TBL1XR1: variants seen among roughly 807,000 people sequenced by gnomAD.
The protein encoded by TBL1XR1 is F-box-like/WD repeat-containing protein TBL1XR1.
In TBL1XR1, 5 loss-of-function variants were observed where a neutral mutation model predicts 66.9. The ratio of observed to expected loss-of-function variants is 0.07; its 90% CI spans 0.04 to 0.16. The LOEUF (loss-of-function observed/expected upper bound fraction) is 0.16. TBL1XR1 is among the 10% of genes least tolerant of loss of function. The probability of loss-of-function intolerance (pLI) is 1.00; values close to 1 mark genes in which losing one functional copy is unlikely to be tolerated. For missense variants in TBL1XR1, 238 were observed against 623.2 expected (o/e 0.38, Z 6.58); for synonymous variants, 210 against 206.0 (o/e 1.02, Z -0.17).
chr3:177,121,252 C>T (rs1726940096), intron 1 of TBL1XR1, among the ~76,000 whole-genome samples: 1 of 152,168 alleles, frequency 6.6e-6, no homozygotes, highest in African/African-American at 2.4e-5. Flanking sequence ...GGCTGAGGAA[C>T]TATGCCAGAT....
intron 1 of TBL1XR1, among the ~76,000 whole-genome samples, chr3:177,122,822 T>C (rs1463373153): frequency 6.6e-6 from 1 of 152,148 alleles, no homozygotes; most frequent in Non-Finnish European, 1.5e-5. Flanking sequence ...TACCAAACAA[T>C]GAGCATCAAC....
At chr3:177,033,859 T>C (rs535863945) in intron 13 of TBL1XR1, among the ~76,000 whole-genome samples, 15 of 152,148 alleles carry the variant, frequency 9.9e-5, no homozygotes, top group African/African-American at 3.4e-4. Flanking sequence ...TTCTGACTTG[T>C]AAGTGGGAGC....
At chr3:177,076,482 C>G (rs187043487) in intron 2 of TBL1XR1, among the ~76,000 whole-genome samples, 1 of 152,114 alleles carries the variant, frequency 6.6e-6, no homozygotes, top group Non-Finnish European at 1.5e-5. Flanking sequence ...ACCCTATTTC[C>G]AAGTAAGATT....
chr3:177,116,457 T>C (rs1726323722), intron 1 of TBL1XR1, among the ~76,000 whole-genome samples: 1 of 152,196 alleles, frequency 6.6e-6, no homozygotes, highest in African/African-American at 2.4e-5. Context: ...TCCTCTTACA[T>C]TAGCAGACTT....
chr3:177,061,817 C>T (rs1718548768), intron 3 of TBL1XR1, among the ~76,000 whole-genome samples: 1 of 151,970 alleles, frequency 6.6e-6, no homozygotes, highest in South Asian at 2.1e-4. Context: ...ATGATGAATC[C>T]CCAAAACAAC....
chr3:177,062,356 G>A (rs1718625857), intron 3 of TBL1XR1, among the ~76,000 whole-genome samples: 1 of 152,210 alleles, frequency 6.6e-6, no homozygotes, highest in African/African-American at 2.4e-5. Context: ...TAGACCAGTG[G>A]CTTTCAAACT....
At chr3:177,186,356 C>T (rs1296023224) in intron 1 of TBL1XR1, among the ~76,000 whole-genome samples, 1 of 152,142 alleles carries the variant, frequency 6.6e-6, no homozygotes, top group Non-Finnish European at 1.5e-5. Context: ...AAATCGTATC[C>T]TAAAATCCTT....
chr3:177,099,628 G>A (rs965316916), intron 1 of TBL1XR1, among the ~76,000 whole-genome samples: 1 of 152,216 alleles, frequency 6.6e-6, no homozygotes, highest in South Asian at 2.1e-4. Flanking sequence ...TCAAAACAGG[G>A]CGTGGGCGTG....
At chr3:177,084,067 G>C (rs939936832) in intron 2 of TBL1XR1, among the ~76,000 whole-genome samples, 1 of 133,190 alleles carries the variant, frequency 7.5e-6, no homozygotes, top group African/African-American at 2.9e-5. Context: ...CAGCCTGGGA[G>C]ACAGGGCGAG....
rs146472462 is a variant in TBL1XR1, at chr3:177,057,287, C to T, written c.59-3369G>A. 2.1e-3 allele frequency among the ~76,000 whole-genome samples: 321 copies of T among 152,276 alleles called. 5 individuals carry two copies. The highest frequency in any genetic ancestry group is 0.016 in the Admixed American group (246 of 15,284). ...CACCAGGGCTAACCAGTCTCTCCTA[C>T]GCTGATCCTAGAATTTCTGTATGTG... On this transcript the variant is annotated intron_variant, in intron 3 of 15. Transcript: ENST00000457928.
intron 1 of TBL1XR1, among the ~76,000 whole-genome samples, chr3:177,177,260 A>C (rs1402304267): frequency 2.0e-5 from 3 of 151,982 alleles, no homozygotes; most frequent in Admixed American, 6.6e-5. Flanking sequence ...GACCAGCCTG[A>C]CCAACACGGT....
chr3:177,082,311 T>C (rs538021206), intron 2 of TBL1XR1, among the ~76,000 whole-genome samples: 22 of 152,138 alleles, frequency 1.4e-4, no homozygotes, highest in African/African-American at 3.9e-4. Context: ...CAAACCCTTA[T>C]AACATCAAGT....
intron 1 of TBL1XR1, among the ~76,000 whole-genome samples, chr3:177,102,245 C>T (rs1418381076): frequency 6.6e-6 from 1 of 152,236 alleles, no homozygotes; most frequent in South Asian, 2.1e-4. Flanking sequence ...AGAAAGACCA[C>T]AATAGTGATT....
rs1735309921 is a variant in TBL1XR1 at position 177,185,610 on chromosome 3, A to AC, written c.-122+11510_-122+11511insG. Among the ~76,000 whole-genome samples the AC allele has an allele frequency of 3.3e-5, 5 of 151,840 alleles. No individual in the cohort carries two copies. In the South Asian group the frequency reaches 1.0e-3, roughly 32 times the overall value. On this transcript the variant is annotated intron_variant, in intron 1 of 15. Coordinates refer to ENST00000457928, the MANE Select transcript of TBL1XR1 (RefSeq NM_024665.7). The stretch of plus-strand genomic sequence containing the variant: ...GTCACAGAATGAGACTGTTTCCAAA[A>AC]AAAAAAAACCAGTATTTTCTGACCC...
chr3:177,084,103 GAA>G (rs1164650662), intron 2 of TBL1XR1, among the ~76,000 whole-genome samples: 9 of 88,828 alleles, frequency 1.0e-4, no homozygotes, highest in South Asian at 2.8e-4. Context: ...AAAAAAAAAA[GAA>G]AAAAGAAAAG....
chr3:177,163,638 T>C (rs767169224), intron 1 of TBL1XR1, among the ~76,000 whole-genome samples: 1 of 152,070 alleles, frequency 6.6e-6, no homozygotes, highest in Non-Finnish European at 1.5e-5. Flanking sequence ...GGGGAGAGGG[T>C]GTAAAGTATA....
intron 1 of TBL1XR1, among the ~76,000 whole-genome samples, chr3:177,117,339 A>T (rs1266142431): frequency 3.9e-5 from 6 of 152,210 alleles, no homozygotes; most frequent in African/African-American, 1.4e-4. Flanking sequence ...TATTTTCAGC[A>T]ACAGCAAATA....
chr3:177,143,709 A>T (rs1729897412), intron 1 of TBL1XR1, among the ~76,000 whole-genome samples: 1 of 152,216 alleles, frequency 6.6e-6, no homozygotes, highest in African/African-American at 2.4e-5. Context: ...GAATCTGAGA[A>T]TATTATCCAA....
chr3:177,114,990 AAATAAT>A (rs542273251), intron 1 of TBL1XR1, among the ~76,000 whole-genome samples: 4 of 150,386 alleles, frequency 2.7e-5, no homozygotes, highest in African/African-American at 7.3e-5. Flanking sequence ...TTGGGGAAAA[AAATAAT>A]AATAATAATA....
Sources: allele counts gnomAD v4.1 joint callset (sites outside exome capture counted in the v4.1 genomes callset), GRCh38; gene constraint gnomAD v4.1.1; transcripts MANE v1.5; gene names NCBI Gene and HGNC (gene_info 2026-07-23, HGNC 2026-07-21).